The following SLC7A6 variants were observed in gnomAD, a reference collection of about 807,000 sequenced individuals.
SLC7A6 encodes solute carrier family 7 member 6.
A neutral mutation model predicts 46.6 loss-of-function variants in SLC7A6; 29 were observed. The ratio of observed to expected loss-of-function variants is 0.62; its 90% CI spans 0.46 to 0.85. The LOEUF (loss-of-function observed/expected upper bound fraction) is 0.85, where lower values mean the gene tolerates loss of function less well. SLC7A6 is among the 40% of genes least tolerant of loss of function. SLC7A6 has a pLI of 0.00. For missense variants in SLC7A6, 527 were observed against 647.6 expected (o/e 0.81, Z 2.02); for synonymous variants, 276 against 257.3 (o/e 1.07, Z -0.70).
intron 3 of SLC7A6, among the ~76,000 whole-genome samples, chr16:68,279,539 CTTTTAT>C (rs1050478632): frequency 3.4e-4 from 52 of 151,558 alleles, no homozygotes; most frequent in African/African-American, 9.7e-4. Context: ...TCGATTTTCT[CTTTTAT>C]TTTTATTTTT....
intron 8 of SLC7A6, 95 bp downstream of exon 8, chr16:68,294,896 G>A: frequency 2.5e-6 from 2 of 784,496 alleles, no homozygotes; most frequent in Non-Finnish European, 4.4e-6. Context: ...CCTGAGAAAG[G>A]CCTTACTCTA....
Position 68,287,814 on chromosome 16 carries a change from G to A in SLC7A6, c.592G>A (p.Ala198Thr), listed in dbSNP as rs200717924. ...GTRVQDTFTY[A>T]KVVALIAIIV... ...ACGTGTGCAGGACACGTTCACTTAC[G>A]CCAAGGTCGTAGCGCTCATTGCCAT... The change falls in exon 4 of 11, where the codon GCC becomes ACC. Residue 198 changes from alanine to threonine, a missense_variant. Physicochemically the swap from Ala to Thr is moderately conservative, Grantham distance 58 (BLOSUM62 0). Coordinates refer to ENST00000219343, the MANE Select transcript of SLC7A6 (RefSeq NM_003983.6). 43 of 1,614,204 alleles carry A rather than the reference G, an allele frequency of 2.7e-5. No homozygotes were observed. Among genetic ancestry groups the A allele is most frequent in the African/African-American group, 1.7e-4 (13 of 75,066 alleles).
chr16:68,269,576 G>A (rs886749554), intron 2 of SLC7A6, among the ~76,000 whole-genome samples: 3 of 151,964 alleles, frequency 2.0e-5, no homozygotes, highest in Admixed American at 2.0e-4. Flanking sequence ...TTTTCTCAGT[G>A]GTTATCCTCC....
At chr16:68,291,380 C>G (rs1196254745) in intron 6 of SLC7A6, 48 bp downstream of exon 6, 1 of 1,607,216 alleles carries the variant, frequency 6.2e-7, no homozygotes, top group East Asian at 2.2e-5. Flanking sequence ...TGATACTGAG[C>G]CACCCTGCAC....
chr16:68,280,602 T>G (rs1209943665), intron 3 of SLC7A6, among the ~76,000 whole-genome samples: 2 of 151,830 alleles, frequency 1.3e-5, no homozygotes, highest in Non-Finnish European at 2.9e-5. Context: ...AAAAAAAAAT[T>G]TCTTTTTTGT....
intron 3 of SLC7A6, among the ~76,000 whole-genome samples, chr16:68,276,192 G>A (rs1234446618): frequency 6.6e-6 from 1 of 152,156 alleles, no homozygotes; most frequent in African/African-American, 2.4e-5. Context: ...CTCTGCCTGC[G>A]GCCACATTTG....
At chr16:68,291,876 T>C in intron 7 of SLC7A6, 1 of 545,820 alleles carries the variant, frequency 1.8e-6, no homozygotes, top group Non-Finnish European at 3.3e-6. Flanking sequence ...CCATCTGAGG[T>C]GAGGACAGAT....
rs1357078696 is a variant in SLC7A6 at position 68,300,766 on chromosome 16, G to A, written c.*3438G>A. On this transcript the variant is annotated 3_prime_UTR_variant, in exon 11 of 11. Transcript: ENST00000219343. ...TAGCTGTTAACTAAAATCTCCCACT[G>A]CTCAGACTACTTTCTGCCCTAATGG... is the stretch of plus-strand genomic sequence containing the variant. 1.0e-6 allele frequency: 1 copy of A among 985,362 alleles called. No homozygotes were observed. Among genetic ancestry groups the A allele is most frequent in the African/African-American group, 1.7e-5 (1 of 57,236 alleles). The allele number at this position is 985,362 out of a possible 1,614,324, so 61.0% of individuals were successfully genotyped here.
chr16:68,270,978 C>T (rs935650151), intron 2 of SLC7A6, among the ~76,000 whole-genome samples: 1 of 151,734 alleles, frequency 6.6e-6, no homozygotes, highest in African/African-American at 2.4e-5. Flanking sequence ...CCCACCTTGG[C>T]CTCCCAAGTA....
intron 7 of SLC7A6, 89 bp downstream of exon 7, chr16:68,291,750 A>G: frequency 1.2e-6 from 1 of 820,950 alleles, no homozygotes; most frequent in Non-Finnish European, 1.9e-6. Flanking sequence ...CCTCCTTCTC[A>G]TGGGCATATA....
At position 68,297,451 on chromosome 16, in the gene SLC7A6, C is replaced by G; in HGVS notation, c.*123C>G. ...CTTTTGACCCAATCATATAGTGGGG[C>G]TCAGGGCCAGTGCTCACTCTTATTG... On this transcript the variant is annotated 3_prime_UTR_variant, in exon 11 of 11. Transcript: ENST00000219343. 1 of 751,702 alleles carries G rather than the reference C, an allele frequency of 1.3e-6. No individual in the cohort carries two copies. The highest frequency in any genetic ancestry group is 2.7e-5 in the East Asian group (1 of 36,574). The allele number at this position is 751,702 out of a possible 1,614,324, so 46.6% of individuals were successfully genotyped here.
Position 68,298,133 on chromosome 16 carries a change from C to A in SLC7A6, c.*805C>A, listed in dbSNP as rs1051630674. On this transcript the variant is annotated 3_prime_UTR_variant, in exon 11 of 11. Transcript: ENST00000219343. The stretch of plus-strand genomic sequence containing the variant: ...GCACTTGGCTCAGGTCCAGCAAGGA[C>A]AGATGAACAAATTCCTGAGTCAGAA... 1 of 152,660 alleles carries A rather than the reference C, an allele frequency of 6.6e-6. No individual in the cohort carries two copies. Among genetic ancestry groups the A allele is most frequent in the Admixed American group, 6.5e-5 (1 of 15,286 alleles). The allele number at this position is 152,660 out of a possible 1,614,324, so 9.5% of individuals were successfully genotyped here. A position where few individuals can be genotyped will look rare whatever the true frequency, so the allele number is the denominator to read the frequency against.
At position 68,300,980 on chromosome 16, in the gene SLC7A6, T is replaced by C. The variant is rs992909114; in HGVS notation, c.*3652T>C. ...CACAGAACCTGAATGCCAGGAAAAA[T>C]TCCTGGGCCAAGAAGCTAAAGCTAA... On this transcript the variant is annotated 3_prime_UTR_variant, in exon 11 of 11. Transcript: ENST00000219343. 9.6e-7 allele frequency: 1 copy of C among 1,038,898 alleles called. No individual in the cohort carries two copies. Among genetic ancestry groups the C allele is most frequent in the African/African-American group, 1.7e-5 (1 of 59,230 alleles). The allele number at this position is 1,038,898 out of a possible 1,614,324, so 64.4% of individuals were successfully genotyped here.
At position 68,296,280 on chromosome 16, in the gene SLC7A6, C is replaced by T. The variant is rs118171316; in HGVS notation, c.1120-84C>T. The T allele has an allele frequency of 3.0e-4, 450 of 1,495,864 alleles. 4 individuals carry two copies. In the East Asian group the frequency reaches 6.0e-3, roughly 20 times the overall value. The allele number at this position is 1,495,864 out of a possible 1,614,324, so 92.7% of individuals were successfully genotyped here. ...GTAATCTGGTGAAGTGGCATCAGATCTAGTACTGACTGCTGGGTGGGGGAG... is the reference window on the plus strand; with the variant it reads ...GTAATCTGGTGAAGTGGCATCAGATTTAGTACTGACTGCTGGGTGGGGGAG... On this transcript the variant is annotated intron_variant, in intron 8 of 10. Coordinates refer to ENST00000219343, the MANE Select transcript of SLC7A6 (RefSeq NM_003983.6).
chr16:68,301,152 T>C lies in SLC7A6; in HGVS notation c.*3824T>C. On this transcript the variant is annotated 3_prime_UTR_variant, in exon 11 of 11. Coordinates refer to ENST00000219343, the MANE Select transcript of SLC7A6 (RefSeq NM_003983.6). ...GGTGGGATGGTGCCGCCCGATATGC[T>C]TGATATGCTTTTCCTTCCACATGTT... 6.8e-7 allele frequency: 1 copy of C among 1,473,120 alleles called. No homozygotes were observed. Among genetic ancestry groups the C allele is most frequent in the Non-Finnish European group, 9.0e-7 (1 of 1,108,220 alleles). The allele number at this position is 1,473,120 out of a possible 1,614,324, so 91.3% of individuals were successfully genotyped here.
At chr16:68,296,859 G>C (rs758103278) in intron 10 of SLC7A6, 49 bp downstream of exon 10, 13 of 1,591,590 alleles carry the variant, frequency 8.2e-6, no homozygotes, top group Non-Finnish European at 1.1e-5. Flanking sequence ...GTGTGCATGC[G>C]CATGCAGAGG....
chr16:68,270,339 G>GT (rs373776084), intron 2 of SLC7A6, among the ~76,000 whole-genome samples: 5,423 of 149,940 alleles, frequency 0.036, 146 homozygotes, highest in Middle Eastern at 0.14. Flanking sequence ...AGGCATAGAG[G>GT]TTTTTTTTTT....
chr16:68,284,822 T>C (rs974711188), intron 3 of SLC7A6: 1 of 152,550 alleles, frequency 6.6e-6, no homozygotes, highest in Non-Finnish European at 1.4e-5. Flanking sequence ...TTGTCTCTTA[T>C]CTCTCACCCC....
chr16:68,300,051 A>C lies in SLC7A6; in HGVS notation c.*2723A>C, dbSNP rs1465002120. 6.7e-6 allele frequency: 1 copy of C among 148,728 alleles called. No homozygotes were observed. The highest frequency in any genetic ancestry group is 1.5e-5 in the Non-Finnish European group (1 of 68,010). 9.2% of individuals were successfully genotyped at this position (148,728 alleles called of 1,614,324 possible). ...TGTGTAACTCACCTTCCCCCATGAC[A>C]GTGAGTAAGAGACACTCACAGGCTA... On this transcript the variant is annotated 3_prime_UTR_variant, in exon 11 of 11. Coordinates refer to ENST00000219343, the MANE Select transcript of SLC7A6 (RefSeq NM_003983.6).
Sources: gnomAD v4.1 joint callset for allele counts (sites outside exome capture counted in the v4.1 genomes callset) on GRCh38, gnomAD v4.1.1 for gene constraint, MANE v1.5 for transcripts, NCBI Gene and HGNC (gene_info 2026-07-23, HGNC 2026-07-21) for gene names.